The following GRIK1 variants were observed in gnomAD, a reference collection of about 807,000 sequenced individuals.
GRIK1 encodes the protein glutamate receptor ionotropic, kainate 1.
GRIK1 carries 69 observed loss-of-function variants against 105.7 expected under a neutral mutation model. That is an observed-to-expected ratio of 0.65 (90% CI 0.54 to 0.80). The LOEUF (loss-of-function observed/expected upper bound fraction) is 0.80, where lower values mean the gene tolerates loss of function less well. Among genes scored for constraint, GRIK1 ranks in the 30% least tolerant of loss-of-function variants. The pLI is 0.00. For missense variants in GRIK1, 1,109 were observed against 1,167.3 expected (o/e 0.95, Z 0.73); for synonymous variants, 438 against 431.3 (o/e 1.02, Z -0.19).
chr21:29,563,046 C>A (rs952853278), intron 14 of GRIK1, among the ~76,000 whole-genome samples: 2 of 151,900 alleles, frequency 1.3e-5, no homozygotes, highest in African/African-American at 4.8e-5. Context: ...CATCAGCATT[C>A]TCCACTTATT....
At chr21:29,581,023 T>C (rs363481) in intron 13 of GRIK1, among the ~76,000 whole-genome samples, 8,748 of 152,104 alleles carry the variant, frequency 0.058, 792 homozygotes, top group African/African-American at 0.19. Context: ...TAGGTAAGGT[T>C]GGCAATTGGA....
At chr21:29,641,242 G>T (rs561213894) in intron 7 of GRIK1, among the ~76,000 whole-genome samples, 1 of 152,154 alleles carries the variant, frequency 6.6e-6, no homozygotes, top group South Asian at 2.1e-4. Context: ...ATTCCCATGT[G>T]TTGTGGGAGG....
intron 1 of GRIK1, among the ~76,000 whole-genome samples, chr21:29,867,918 A>AGAGAAAGAAAG (rs1569174507): frequency 1.6e-5 from 2 of 127,834 alleles, no homozygotes; most frequent in African/African-American, 7.3e-5. Context: ...AAGAGAGAGA[A>AGAGAAAGAAAG]AGAGAGAAAG....
intron 10 of GRIK1, among the ~76,000 whole-genome samples, 168 bp from the exon 11 acceptor site, chr21:29,589,210 C>A (rs1439327051): frequency 6.6e-6 from 1 of 152,150 alleles, no homozygotes; most frequent in African/African-American, 2.4e-5. Flanking sequence ...CAAAACACTT[C>A]CTATATTATT....
intron 1 of GRIK1, among the ~76,000 whole-genome samples, chr21:29,921,524 T>C (rs1331514955): frequency 6.6e-6 from 1 of 152,192 alleles, no homozygotes; most frequent in Non-Finnish European, 1.5e-5. Context: ...ACACCAGACT[T>C]ATAACATCTA....
chr21:29,920,084 TG>T (rs1265162547), intron 1 of GRIK1, among the ~76,000 whole-genome samples: 1 of 152,136 alleles, frequency 6.6e-6, no homozygotes. Flanking sequence ...ATATTTTGAA[TG>T]TTTTTTTCCC....
chr21:29,776,284 T>G (rs1343195106), intron 1 of GRIK1, among the ~76,000 whole-genome samples: 4 of 152,254 alleles, frequency 2.6e-5, no homozygotes, highest in African/African-American at 9.6e-5. Context: ...TATTCTTTAC[T>G]TTATTACATA....
At chr21:29,674,905 C>T (rs1226428684) in intron 3 of GRIK1, among the ~76,000 whole-genome samples, 1 of 152,162 alleles carries the variant, frequency 6.6e-6, no homozygotes, top group Admixed American at 6.6e-5. Context: ...TGGATTCTTG[C>T]TCCTTTTCAA....
chr21:29,573,529 C>A (rs557258513), intron 14 of GRIK1, among the ~76,000 whole-genome samples: 19 of 150,086 alleles, frequency 1.3e-4, no homozygotes, highest in Middle Eastern at 3.5e-3. Flanking sequence ...CACTTGAGGT[C>A]AGGAGTTTGA....
Position 29,712,632 on chromosome 21 carries a change from C to T in GRIK1, c.119-18569G>A, listed in dbSNP as rs145546239. Reference sequence around the variant, plus strand: ...TACATTGATTATTAATGTAGCTGAACGTTTTTCCACAATGATTTTATTGTA... The same window carrying T: ...TACATTGATTATTAATGTAGCTGAATGTTTTTCCACAATGATTTTATTGTA... On this transcript the variant is annotated intron_variant, in intron 1 of 17. Transcript: ENST00000327783. Among the ~76,000 whole-genome samples the T allele has an allele frequency of 1.1e-4, 17 of 152,184 alleles. No homozygotes were observed. In the East Asian group the frequency reaches 2.3e-3, roughly 21 times the overall value.
At chr21:29,614,495 C>T (rs2061801390) in intron 7 of GRIK1, among the ~76,000 whole-genome samples, 1 of 145,816 alleles carries the variant, frequency 6.9e-6, no homozygotes, top group Non-Finnish European at 1.5e-5. Flanking sequence ...CTCACCGCAA[C>T]CTCTGCCTCC....
At position 29,699,652 on chromosome 21, in the gene GRIK1, C is replaced by CT. The variant is rs769136639; in HGVS notation, c.119-5590dup. Among the ~76,000 whole-genome samples, 1,034 of 144,324 alleles carry CT rather than the reference C, an allele frequency of 7.2e-3. 5 individuals carry two copies. Among genetic ancestry groups the CT allele is most frequent in the African/African-American group, 0.018 (701 of 39,722 alleles). The allele number at this position is 144,324 out of a possible 152,430, so 94.7% of individuals were successfully genotyped here. A position where few individuals can be genotyped will look rare whatever the true frequency, so the allele number is the denominator to read the frequency against. Reference sequence around the variant, plus strand: ...CATAGACTAGTACATTTATCAGCATCTTTTTTTTTTTTTTGAGATGGAGTC... The same window carrying CT: ...CATAGACTAGTACATTTATCAGCATCTTTTTTTTTTTTTTTGAGATGGAGTC... On this transcript the variant is annotated intron_variant, in intron 1 of 17. Coordinates refer to ENST00000327783, the MANE Select transcript of GRIK1 (RefSeq NM_001330994.2).
At chr21:29,926,605 G>A (rs959958689) in intron 1 of GRIK1, among the ~76,000 whole-genome samples, 1 of 151,734 alleles carries the variant, frequency 6.6e-6, no homozygotes, top group African/African-American at 2.4e-5. Context: ...GAACACTATT[G>A]TTGTTAATTT....
At chr21:29,831,050 C>T (rs973539389) in intron 1 of GRIK1, among the ~76,000 whole-genome samples, 3 of 152,106 alleles carry the variant, frequency 2.0e-5, no homozygotes, top group African/African-American at 7.2e-5. Context: ...AAAATCTGCT[C>T]ATTTAAGGTG....
At position 29,623,927 on chromosome 21, in the gene GRIK1, C is replaced by A. The variant is rs183505764; in HGVS notation, c.1098+18899G>T. ...CTTTATTTTTGAAATGTTTTGTTGG[C>A]AAATCTTGTTGACATAATGTGGATA... is the stretch of plus-strand genomic sequence containing the variant. On this transcript the variant is annotated intron_variant, in intron 7 of 17. Coordinates refer to ENST00000327783, the MANE Select transcript of GRIK1 (RefSeq NM_001330994.2). Among the ~76,000 whole-genome samples the A allele has an allele frequency of 5.3e-5, 8 of 152,220 alleles. No homozygotes were observed. The East Asian group carries it at 1.5e-3, about 29-fold the overall frequency.
intron 1 of GRIK1, among the ~76,000 whole-genome samples, chr21:29,782,272 G>C (rs1763307973): frequency 1.3e-5 from 2 of 151,562 alleles, no homozygotes; most frequent in South Asian, 4.2e-4. Flanking sequence ...ATTTTTAGTA[G>C]AGACAGGGTT....
intron 7 of GRIK1, among the ~76,000 whole-genome samples, chr21:29,614,086 C>G (rs189887100): frequency 6.6e-6 from 1 of 152,198 alleles, no homozygotes; most frequent in African/African-American, 2.4e-5. Context: ...TGGCCTCAAA[C>G]CAAGTTTTTT....
chr21:29,548,150 G>GCC (rs138997679), intron 16 of GRIK1, among the ~76,000 whole-genome samples: 3,430 of 152,174 alleles, frequency 0.023, 110 homozygotes, highest in African/African-American at 0.077. Flanking sequence ...TCATTTTTGT[G>GCC]TCTTATCTGG....
At chr21:29,639,491 G>A (rs1308882998) in intron 7 of GRIK1, among the ~76,000 whole-genome samples, 1 of 152,162 alleles carries the variant, frequency 6.6e-6, no homozygotes, top group African/African-American at 2.4e-5. Flanking sequence ...TGCAATCAGA[G>A]TTAAAATAAT....
Sources: gnomAD v4.1 joint callset for allele counts (sites outside exome capture counted in the v4.1 genomes callset) on GRCh38, gnomAD v4.1.1 for gene constraint, MANE v1.5 for transcripts, NCBI Gene and HGNC (gene_info 2026-07-23, HGNC 2026-07-21) for gene names.